The following ERICH1 variants were observed in gnomAD, a reference collection of about 807,000 sequenced individuals.
ERICH1 encodes glutamate-rich protein 1.
Under a neutral mutation model 39.6 loss-of-function variants are expected in ERICH1, and 56 were observed. The observed-to-expected ratio is 1.41, with a 90% CI of 1.14 to 1.77. The LOEUF is 1.77. Among genes scored for constraint, ERICH1 ranks in the 40% most tolerant of loss-of-function variants. The pLI is 0.00. For missense variants in ERICH1, 826 were observed against 575.4 expected, an observed-to-expected ratio of 1.44 and a Z score of -4.45; for synonymous variants, 313 against 223.6, an observed-to-expected ratio of 1.40 and a Z score of -3.57.
chr8:615,150 G>A, exon 4 of ERICH1: 1 of 621,260 alleles, frequency 1.6e-6, no homozygotes, highest in Non-Finnish European at 2.8e-6. Flanking sequence ...TGCTTAAAAA[G>A]TTACTATCAC....
At chr8:687,449 G>C (rs760386854) in intron 3 of ERICH1, among the ~76,000 whole-genome samples, 7 of 152,258 alleles carry the variant, frequency 4.6e-5, no homozygotes, top group Non-Finnish European at 1.0e-4. Context: ...AATAAGCCCA[G>C]ACGGTCTGGC....
At chr8:631,312 G>A (rs1259343062) in intron 3 of ERICH1, among the ~76,000 whole-genome samples, 3 of 152,252 alleles carry the variant, frequency 2.0e-5, no homozygotes, top group Non-Finnish European at 4.4e-5. Flanking sequence ...AGTGTCAGGA[G>A]TTGGCTGTTC....
chr8:615,795 A>G (rs1796874083), intron 3 of ERICH1: 1 of 152,678 alleles, frequency 6.5e-6, no homozygotes, highest in Non-Finnish European at 1.5e-5. Context: ...AAAAGCTCAG[A>G]GAGGACAGAA....
chr8:692,774 G>C (rs767699308), intron 2 of ERICH1, among the ~76,000 whole-genome samples, 162 bp from the exon 3 acceptor site: 2 of 152,178 alleles, frequency 1.3e-5, no homozygotes, highest in Non-Finnish European at 2.9e-5. Context: ...ATTTTAATAT[G>C]TCAAGTATTG....
chr8:664,052 C>A (rs879377688), downstream of ERICH1: 1 of 212,706 alleles, frequency 4.7e-6, no homozygotes, highest in Non-Finnish European at 8.1e-6. Context: ...AGCCACCGCA[C>A]CCGGCCTGAC....
chr8:666,055 C>T (rs554264456), intron 5 of ERICH1: 2 of 152,308 alleles, frequency 1.3e-5, no homozygotes, highest in South Asian at 2.1e-4. Flanking sequence ...AAGCACATAT[C>T]CTACAGAACT....
At chr8:633,824 C>G (rs989921519) in intron 3 of ERICH1, among the ~76,000 whole-genome samples, 1 of 152,230 alleles carries the variant, frequency 6.6e-6, no homozygotes, top group Admixed American at 6.5e-5. Flanking sequence ...TGCTGGGAAA[C>G]AGGACATCCA....
chr8:724,511 C>G (rs1818115312), intron 1 of ERICH1, among the ~76,000 whole-genome samples: 1 of 152,046 alleles, frequency 6.6e-6, no homozygotes, highest in African/African-American at 2.4e-5. Context: ...CCGGAGAGGC[C>G]GGCACTGCCC....
At chr8:711,917 C>T (rs915491886) in intron 2 of ERICH1, among the ~76,000 whole-genome samples, 1 of 152,154 alleles carries the variant, frequency 6.6e-6, no homozygotes, top group Admixed American at 6.5e-5. Context: ...ACTGAATAGC[C>T]TTTGTTTGCT....
chr8:648,184 C>A lies in ERICH1; in HGVS notation c.976+20414G>T, dbSNP rs1305157933. ...CCTGAAGGCTGCTGTGGCCTGAATG[C>A]GTCCCCTCCCCAGAATGTCAGCCCC... is the stretch of plus-strand genomic sequence containing the variant. On this transcript the variant is annotated intron_variant, in intron 3 of 3. Coordinates refer to the ERICH1 transcript ENST00000522706. Among the ~76,000 whole-genome samples, 2 of 67,004 alleles carry A rather than the reference C, an allele frequency of 3.0e-5. 1 individual carries two copies. Among genetic ancestry groups the A allele is most frequent in the East Asian group, 6.0e-4 (2 of 3,334 alleles). The allele number at this position is 67,004 out of a possible 152,430, so 44.0% of individuals were successfully genotyped here.
chr8:723,871 T>C (rs978864550), intron 1 of ERICH1, among the ~76,000 whole-genome samples: 4 of 152,208 alleles, frequency 2.6e-5, no homozygotes, highest in Admixed American at 1.3e-4. Flanking sequence ...CCTTTGACTA[T>C]AATCTAGAAA....
chr8:674,019 T>C lies in ERICH1; in HGVS notation c.333A>G (p.Arg111=). The change falls in exon 4 of 6, where the codon AGA becomes AGG. Residue 111 remains arginine, a synonymous_variant. Coordinates refer to ENST00000262109, the MANE Select transcript of ERICH1 (RefSeq NM_207332.3). ...EDQDPHDQPK[R]RRIRKHKSKK... ...TTGATTTATGCTTCCTAATTCTTCT[T>C]CTCTTTGGCTGGTCATGAGGATCCT... is the stretch of plus-strand genomic sequence containing the variant. 2.6e-6 allele frequency: 4 copies of C among 1,568,122 alleles called. No individual in the cohort carries two copies. Among genetic ancestry groups the C allele is most frequent in the Non-Finnish European group, 3.4e-6 (4 of 1,169,936 alleles).
In ERICH1 at chr8:673,642, G is replaced by C. The variant is rs1329579056; in HGVS notation, c.710C>G (p.Ala237Gly). ...GGCCCGTGTCAGGTCTTCCTCGCTA[G>C]CGTCCGCACCATCTTCCTCCCTGGT... ...KDTREEDGAD[A>G]SEEDLTRARQ... The change falls in exon 4 of 6, where the codon GCT (alanine) becomes GGT (glycine). Residue 237 changes from alanine to glycine, a missense_variant. By Grantham distance (60) the Ala-to-Gly change is moderately conservative. Coordinates refer to ENST00000262109, the MANE Select transcript of ERICH1 (RefSeq NM_207332.3). The C allele has an allele frequency of 1.9e-6, 3 of 1,610,164 alleles. No individual in the cohort carries two copies. The highest frequency in any genetic ancestry group is 2.5e-6 in the Non-Finnish European group (3 of 1,177,736).
intron 2 of ERICH1, among the ~76,000 whole-genome samples, chr8:699,775 ACC>A (rs1811312305): frequency 1.0e-5 from 1 of 98,746 alleles, no homozygotes; most frequent in East Asian, 6.4e-4. Flanking sequence ...AGCCGCACAG[ACC>A]CGCACACGCG....
chr8:729,251 C>G (rs1246465703), intron 1 of ERICH1, among the ~76,000 whole-genome samples: 1 of 152,192 alleles, frequency 6.6e-6, no homozygotes, highest in Non-Finnish European at 1.5e-5. Flanking sequence ...GAGAGGCACA[C>G]CTGCGTCTTG....
At chr8:711,358 C>A (rs1354434399) in intron 2 of ERICH1, among the ~76,000 whole-genome samples, 1 of 152,158 alleles carries the variant, frequency 6.6e-6, no homozygotes, top group African/African-American at 2.4e-5. Flanking sequence ...AACTGGACAT[C>A]TACTTATCAA....
intron 3 of ERICH1, among the ~76,000 whole-genome samples, chr8:628,007 G>C (rs62486187): frequency 0.025 from 3,735 of 152,290 alleles, 56 homozygotes; most frequent in African/African-American, 0.038. Flanking sequence ...GCAGCAGCAG[G>C]GGCGCCTTCC....
intron 2 of ERICH1, among the ~76,000 whole-genome samples, chr8:695,012 G>T (rs1281841237): frequency 6.6e-6 from 1 of 152,152 alleles, no homozygotes; most frequent in Non-Finnish European, 1.5e-5. Context: ...CATCCCTCGG[G>T]AAAGGCAGAG....
Position 713,453 on chromosome 8 carries a change from G to A in ERICH1, c.169+2408C>T, listed in dbSNP as rs146066114. On this transcript the variant is annotated intron_variant, in intron 2 of 5. Coordinates refer to ENST00000262109, the MANE Select transcript of ERICH1 (RefSeq NM_207332.3). Reference sequence around the variant, plus strand: ...ATGGGAAAAATGTAGAAAAGAACATGGAATACACGGATTTGTCCCATGGGA... The same window carrying A: ...ATGGGAAAAATGTAGAAAAGAACATAGAATACACGGATTTGTCCCATGGGA... 1.4e-3 allele frequency among the ~76,000 whole-genome samples: 215 copies of A among 152,226 alleles called. 1 individual carries two copies. The highest frequency in any genetic ancestry group is 4.1e-3 in the African/African-American group (171 of 41,530).
Sources: allele counts gnomAD v4.1 joint callset (sites outside exome capture counted in the v4.1 genomes callset), GRCh38; gene constraint gnomAD v4.1.1; transcripts MANE v1.5; gene names NCBI Gene and HGNC (gene_info 2026-07-23, HGNC 2026-07-21).